Variants in ORMDL1 observed in about 807,000 individuals in gnomAD.
The protein encoded by ORMDL1 is ORMDL sphingolipid biosynthesis regulator 1.
A neutral mutation model predicts 13.0 loss-of-function variants in ORMDL1; 10 were observed. The ratio of observed to expected loss-of-function variants is 0.77; its 90% CI spans 0.47 to 1.30. The LOEUF is 1.30. Among genes scored for constraint, ORMDL1 ranks in the 50% most tolerant of loss-of-function variants. ORMDL1 has a pLI of 0.00. For missense variants in ORMDL1, 171 were observed against 186.7 expected (o/e 0.92, Z 0.49); for synonymous variants, 61 against 63.9 (o/e 0.95, Z 0.22).
downstream of ORMDL1, among the ~76,000 whole-genome samples, chr2:189,766,461 C>T (rs933896294): frequency 2.6e-5 from 4 of 152,216 alleles, no homozygotes; most frequent in Non-Finnish European, 4.4e-5. Context: ...GGCACAGTGG[C>T]TCGCGCCTGT....
intron 4 of ORMDL1, 40 bp from the exon 5 acceptor site, chr2:189,771,942 A>G: frequency 7.1e-7 from 1 of 1,398,680 alleles, no homozygotes. Context: ...AACATCCAAA[A>G]ATAAAATTAC....
the ORMDL1 span, chr2:189,763,899 A>G: frequency 2.0e-5 from 3 of 152,224 alleles, no homozygotes; most frequent in African/African-American, 7.2e-5. Flanking sequence ...GTTTTTCAAA[A>G]ATTTCATTTA....
intron 3 of ORMDL1, among the ~76,000 whole-genome samples, chr2:189,780,979 T>A (rs1055983602): frequency 6.6e-6 from 1 of 152,202 alleles, no homozygotes; most frequent in Non-Finnish European, 1.5e-5. Context: ...AGTGGCACGA[T>A]CTTGGCTCAC....
chr2:189,775,653 CT>C lies in ORMDL1; in HGVS notation c.237del (p.Ala80GlnfsTer4). 1 of 1,613,970 alleles carries C rather than the reference CT, an allele frequency of 6.2e-7. No individual in the cohort carries two copies. Reference protein sequence around the residue: ...GTPFETPDQGKARLLTHWEQL... With the variant: ...GTPFETPDQGXARLLTHWEQL... ...TGTTCCCAATGAGTTAGGAGCCTTGCTTTACCCTGGTCAGGAGTTTCGAAAG... is the reference window on the plus strand; with the variant it reads ...TGTTCCCAATGAGTTAGGAGCCTTGCTTACCCTGGTCAGGAGTTTCGAAAG... On this transcript the variant is annotated frameshift_variant, in exon 4 of 5. Transcript: ENST00000392349. LOFTEE classifies it high-confidence loss of function.
At chr2:189,769,295 G>A (rs1164279028), downstream of ORMDL1, among the ~76,000 whole-genome samples, 1 of 151,960 alleles carries the variant, frequency 6.6e-6, no homozygotes, top group Non-Finnish European at 1.5e-5. Flanking sequence ...GCTGAGGCAG[G>A]AGAATTGCTT....
chr2:189,766,752 G>C (rs572525064), downstream of ORMDL1, among the ~76,000 whole-genome samples: 6 of 151,506 alleles, frequency 4.0e-5, no homozygotes, highest in African/African-American at 1.5e-4. Context: ...ACAAAAACAA[G>C]AACCAATAAG....
rs185098223 is a variant in ORMDL1, at chr2:189,779,855, G to A, written c.174+2567C>T. Reference sequence around the variant, plus strand: ...GGATATGGAATATAAAGGAAAAGAAGTTATCCTAAGACTTAGGTGACCTTG... The same window carrying A: ...GGATATGGAATATAAAGGAAAAGAAATTATCCTAAGACTTAGGTGACCTTG... On this transcript the variant is annotated intron_variant, in intron 3 of 4. Coordinates refer to ENST00000392349, the MANE Select transcript of ORMDL1 (RefSeq NM_016467.5). Among the ~76,000 whole-genome samples, 136 of 152,328 alleles carry A rather than the reference G, an allele frequency of 8.9e-4. 1 individual carries two copies. Among genetic ancestry groups the A allele is most frequent in the Non-Finnish European group, 2.4e-4 (16 of 68,028 alleles).
chr2:189,765,993 AT>A (rs1343773900), downstream of ORMDL1, among the ~76,000 whole-genome samples: 6 of 151,710 alleles, frequency 4.0e-5, no homozygotes. Context: ...CGCCCAGCTA[AT>A]TTTTGTATTT....
At chr2:189,783,408 A>T (rs890879314) in intron 1 of ORMDL1, 3 of 152,348 alleles carry the variant, frequency 2.0e-5, no homozygotes, top group African/African-American at 7.2e-5. Context: ...AACACCTATC[A>T]TCCGACGGAG....
intron 1 of ORMDL1, chr2:189,783,532 T>C (rs980843367): frequency 4.8e-4 from 73 of 152,098 alleles, no homozygotes; most frequent in African/African-American, 1.7e-3. Context: ...TTCCAGCAAA[T>C]GTTTCCGGAG....
chr2:189,778,323 A>G, intron 3 of ORMDL1: 2 of 444,704 alleles, frequency 4.5e-6, no homozygotes, highest in South Asian at 3.2e-5. Flanking sequence ...TGAACCCAGG[A>G]GGGGGAGGTT....
chr2:189,780,323 T>C (rs1866644), intron 3 of ORMDL1, among the ~76,000 whole-genome samples: 151,277 of 152,308 alleles, frequency 0.99, 75,133 homozygotes, highest in Middle Eastern at 1. Flanking sequence ...TTTGGGTTTC[T>C]GATTAGGGAT....
chr2:189,766,389 CA>C (rs2047483064), downstream of ORMDL1, among the ~76,000 whole-genome samples: 1 of 152,196 alleles, frequency 6.6e-6, no homozygotes. Flanking sequence ...CATCTAGCTC[CA>C]GAACCTTTTC....
downstream of ORMDL1, among the ~76,000 whole-genome samples, chr2:189,768,772 A>G (rs1352291038): frequency 6.6e-6 from 1 of 152,196 alleles, no homozygotes; most frequent in Non-Finnish European, 1.5e-5. Flanking sequence ...CACCTCTTGT[A>G]TTTAACTCTT....
chr2:189,769,707 G>A (rs1441023818), downstream of ORMDL1, among the ~76,000 whole-genome samples: 1 of 152,074 alleles, frequency 6.6e-6, no homozygotes, highest in Non-Finnish European at 1.5e-5. Context: ...CAGAGTATAA[G>A]TGATTTAATA....
downstream of ORMDL1, among the ~76,000 whole-genome samples, chr2:189,769,922 C>G (rs537293171): frequency 6.6e-6 from 1 of 152,214 alleles, no homozygotes; most frequent in East Asian, 1.9e-4. Context: ...AAGTCAGGAG[C>G]ATTTATGGCA....
Position 189,770,395 on chromosome 2 carries a change from GACAT to G in ORMDL1, c.*1368_*1371del, listed in dbSNP as rs1328485748. The G allele has an allele frequency of 1.3e-5, 2 of 152,040 alleles. No homozygotes were observed. The highest frequency in any genetic ancestry group is 2.9e-5 in the Non-Finnish European group (2 of 67,982). The allele number at this position is 152,040 out of a possible 1,614,324, so 9.4% of individuals were successfully genotyped here. A position where few individuals can be genotyped will look rare whatever the true frequency, so the allele number is the denominator to read the frequency against. ...ATTTAAAAATACACGGGAAAAGACA[GACAT>G]ACAAAGGTAGTATCATACAACTGAT... On this transcript the variant is annotated 3_prime_UTR_variant, in exon 5 of 5. Coordinates refer to ENST00000392349, the MANE Select transcript of ORMDL1 (RefSeq NM_016467.5).
intron 3 of ORMDL1, among the ~76,000 whole-genome samples, chr2:189,780,904 G>A (rs1022917406): frequency 6.6e-6 from 1 of 152,136 alleles, no homozygotes; most frequent in Non-Finnish European, 1.5e-5. Context: ...TACTCCAGAA[G>A]ATAGAAAATA....
At chr2:189,782,890 A>G (rs2047904154) in intron 2 of ORMDL1, 124 bp downstream of exon 2, 1 of 273,162 alleles carries the variant, frequency 3.7e-6, no homozygotes, top group South Asian at 1.2e-4. Flanking sequence ...GTTTTACTGA[A>G]TAGGAAAATT....
Sources: gnomAD v4.1 joint callset for allele counts (sites outside exome capture counted in the v4.1 genomes callset) on GRCh38, gnomAD v4.1.1 for gene constraint, MANE v1.5 for transcripts, NCBI Gene and HGNC (gene_info 2026-07-23, HGNC 2026-07-21) for gene names.